Variants in MYOM2 observed in about 807,000 individuals in gnomAD.
The protein encoded by MYOM2 is myomesin 2, also known as myomesin-2.
Under a neutral mutation model 187.6 loss-of-function variants are expected in MYOM2, and 254 were observed. The ratio of observed to expected loss-of-function variants is 1.35; its 90% CI spans 1.22 to 1.50. The LOEUF (loss-of-function observed/expected upper bound fraction) is 1.50, where lower values mean the gene tolerates loss of function less well. Ranked by LOEUF, MYOM2 falls within the 40% of genes most tolerant of loss-of-function variation. MYOM2 has a pLI of 0.00. For synonymous variants in MYOM2, 981 were observed against 753.8 expected (o/e 1.30, Z -4.94); for missense variants, 2,796 against 1,924.0 (o/e 1.45, Z -8.48).
intron 28 of MYOM2, among the ~76,000 whole-genome samples, chr8:2,121,727 C>T (rs372691329): frequency 6.9e-5 from 4 of 57,940 alleles, no homozygotes; most frequent in Non-Finnish European, 1.9e-4. Context: ...AAGTTTCAGA[C>T]ACAGAGAAAC....
At chr8:2,064,737 G>C (rs1252876542) in intron 6 of MYOM2, among the ~76,000 whole-genome samples, 2 of 152,188 alleles carry the variant, frequency 1.3e-5, no homozygotes, top group Non-Finnish European at 2.9e-5. Flanking sequence ...TGGCGAGGGG[G>C]GCCGTGGCCT....
chr8:2,070,332 C>A (rs1258915863), intron 8 of MYOM2, among the ~76,000 whole-genome samples: 1 of 152,222 alleles, frequency 6.6e-6, no homozygotes, highest in Non-Finnish European at 1.5e-5. Flanking sequence ...ACCGAAGCAA[C>A]GATGGAGGGT....
chr8:2,114,695 C>G (rs920277818), intron 25 of MYOM2, among the ~76,000 whole-genome samples: 18 of 152,208 alleles, frequency 1.2e-4, no homozygotes, highest in African/African-American at 4.3e-4. Context: ...GTCTCGAACT[C>G]CCCACCTCAG....
intron 32 of MYOM2, among the ~76,000 whole-genome samples, chr8:2,129,801 T>G (rs62479965): frequency 0.046 from 6,931 of 152,178 alleles, 209 homozygotes; most frequent in African/African-American, 0.082. Context: ...TGCCTCTGGG[T>G]TCTGGCTACT....
In MYOM2 at chr8:2,109,719, G is replaced by T. The variant is rs140800255; in HGVS notation, c.3180+188G>T. Among the ~76,000 whole-genome samples the T allele has an allele frequency of 4.7e-3, 716 of 152,306 alleles. 5 individuals carry two copies. The highest frequency in any genetic ancestry group is 0.016 in the African/African-American group (685 of 41,562). Reference sequence around the variant, plus strand: ...TACAATGTTCAAAGGTTTGGTCTGGGTTACAGGAGACATCAGGAGTCTTTA... The same window carrying T: ...TACAATGTTCAAAGGTTTGGTCTGGTTTACAGGAGACATCAGGAGTCTTTA... On this transcript the variant is annotated intron_variant, in intron 25 of 36. Coordinates refer to ENST00000262113, the MANE Select transcript of MYOM2 (RefSeq NM_003970.4).
At chr8:2,057,256 G>C (rs554263175) in intron 3 of MYOM2, 92 bp from the exon 4 acceptor site, 5 of 1,446,658 alleles carry the variant, frequency 3.5e-6, no homozygotes, top group Admixed American at 4.9e-5. Flanking sequence ...GGAAACCCTA[G>C]GGAGAGAATG....
At chr8:2,128,693 G>A (rs28643377) in intron 31 of MYOM2, among the ~76,000 whole-genome samples, 155 of 152,212 alleles carry the variant, frequency 1.0e-3, no homozygotes, top group African/African-American at 3.4e-3. Flanking sequence ...AGAACCAGCC[G>A]AGGTGCTCCC....
At chr8:2,049,384 G>A (rs968590621) in intron 1 of MYOM2, among the ~76,000 whole-genome samples, 4 of 152,136 alleles carry the variant, frequency 2.6e-5, no homozygotes, top group African/African-American at 9.7e-5. Context: ...AATCGCTAGT[G>A]ATCTTTCCAA....
At chr8:2,051,186 C>G (rs74779630) in intron 2 of MYOM2, among the ~76,000 whole-genome samples, 24 of 152,272 alleles carry the variant, frequency 1.6e-4, no homozygotes, top group Admixed American at 5.2e-4. Flanking sequence ...AAAAGCCACC[C>G]AAAATAAAAA....
At chr8:2,125,531 G>C (rs561637192) in intron 31 of MYOM2, among the ~76,000 whole-genome samples, 6 of 146,550 alleles carry the variant, frequency 4.1e-5, no homozygotes, top group Admixed American at 3.4e-4. Context: ...CTCCAGCTTT[G>C]TTCTTTTTCC....
At chr8:2,079,662 G>T (rs777767421) in intron 13 of MYOM2, 49 bp downstream of exon 13, 1 of 1,584,262 alleles carries the variant, frequency 6.3e-7, no homozygotes, top group East Asian at 2.2e-5. Context: ...GGGATTTGGA[G>T]TTGTAATTAG....
At chr8:2,046,031 C>G (rs1818301101) in intron 1 of MYOM2, among the ~76,000 whole-genome samples, 2 of 152,234 alleles carry the variant, frequency 1.3e-5, no homozygotes, top group Admixed American at 6.5e-5. Context: ...AACCAAGTCC[C>G]AAGCTAAAAC....
chr8:2,132,532 A>G (rs908779950), intron 32 of MYOM2, among the ~76,000 whole-genome samples: 7 of 152,158 alleles, frequency 4.6e-5, no homozygotes, highest in Non-Finnish European at 8.8e-5. Context: ...CATATTGACC[A>G]CTGAAGTCTT....
chr8:2,124,547 G>A (rs951462132), intron 31 of MYOM2, among the ~76,000 whole-genome samples: 2 of 152,214 alleles, frequency 1.3e-5, no homozygotes, highest in African/African-American at 4.8e-5. Flanking sequence ...TTGAATAGCC[G>A]TAATGAATTT....
Position 2,130,931 on chromosome 8 carries a change from G to C in MYOM2, c.3800+1699G>C, listed in dbSNP as rs138107466. ...AGGAGAATTAATCATCAGCATCTTT[G>C]AGCTTCCTTCTTATTTACAGCATAT... On this transcript the variant is annotated intron_variant, in intron 32 of 36. Transcript: ENST00000262113. 7.2e-5 allele frequency among the ~76,000 whole-genome samples: 11 copies of C among 152,290 alleles called. No individual in the cohort carries two copies. In the South Asian group the frequency reaches 2.3e-3, roughly 32 times the overall value.
At chr8:2,059,283 G>A (rs1818775397) in intron 6 of MYOM2, 38 bp downstream of exon 6, 1 of 1,587,612 alleles carries the variant, frequency 6.3e-7, no homozygotes, top group Non-Finnish European at 8.6e-7. Context: ...CTGGCGTCCA[G>A]TAATCAGCAT....
chr8:2,068,681 G>A (rs923228776), intron 6 of MYOM2, among the ~76,000 whole-genome samples: 2 of 152,232 alleles, frequency 1.3e-5, no homozygotes. Flanking sequence ...TCAAGCTCCC[G>A]GACCACCTTA....
intron 27 of MYOM2, among the ~76,000 whole-genome samples, chr8:2,117,485 T>G (rs1275734263): frequency 6.6e-6 from 1 of 152,254 alleles, no homozygotes; most frequent in African/African-American, 2.4e-5. Context: ...ATTCTCTTAT[T>G]TAAAGGTATT....
chr8:2,097,808 T>G (rs530679894), intron 18 of MYOM2, among the ~76,000 whole-genome samples: 1 of 152,252 alleles, frequency 6.6e-6, no homozygotes, highest in Non-Finnish European at 1.5e-5. Flanking sequence ...TGAGTCACTG[T>G]GCCCAGCCTA....
Sources: gnomAD v4.1 joint callset for allele counts (sites outside exome capture counted in the v4.1 genomes callset) on GRCh38, gnomAD v4.1.1 for gene constraint, MANE v1.5 for transcripts, NCBI Gene and HGNC (gene_info 2026-07-23, HGNC 2026-07-21) for gene names.